Variants in GRM8 observed in about 807,000 individuals in gnomAD.
GRM8 encodes the protein glutamate metabotropic receptor 8.
Under a neutral mutation model 87.2 loss-of-function variants are expected in GRM8, and 47 were observed. That is an observed-to-expected ratio of 0.54 (90% CI 0.43 to 0.69). The LOEUF (loss-of-function observed/expected upper bound fraction) is 0.69, where lower values mean the gene tolerates loss of function less well. Ranked by LOEUF, GRM8 falls within the 30% of genes least tolerant of loss-of-function variation. GRM8 has a pLI of 0.00. For synonymous variants in GRM8, 396 were observed against 404.5 expected, an observed-to-expected ratio of 0.98 and a Z score of 0.25; for missense variants, 1,019 against 1,139.2, an observed-to-expected ratio of 0.89 and a Z score of 1.52.
chr7:127,139,582 G>A (rs886192846), intron 2 of GRM8, among the ~76,000 whole-genome samples: 1 of 152,074 alleles, frequency 6.6e-6, no homozygotes, highest in African/African-American at 2.4e-5. Flanking sequence ...GGAATCAGTT[G>A]CTTTTTTTAA....
chr7:126,992,629 A>G lies in GRM8; in HGVS notation c.728-87946T>C, dbSNP rs374027150. Among the ~76,000 whole-genome samples the G allele has an allele frequency of 2.0e-5, 3 of 152,288 alleles. No homozygotes were observed. In the East Asian group the frequency reaches 5.8e-4, roughly 29 times the overall value. On this transcript the variant is annotated intron_variant, in intron 3 of 10. Transcript: ENST00000339582. ...AAATTAAATAAGGATATTTCTATGG[A>G]GTGAATTTTGTCCCCTTCTCTACTT...
chr7:127,015,288 G>T (rs961209871), intron 3 of GRM8, among the ~76,000 whole-genome samples: 5 of 150,804 alleles, frequency 3.3e-5, no homozygotes, highest in South Asian at 2.1e-4. Flanking sequence ...GAGAGAGAAT[G>T]AACATGAACC....
chr7:127,005,536 T>C (rs1240261524), intron 3 of GRM8, among the ~76,000 whole-genome samples: 2 of 151,952 alleles, frequency 1.3e-5, no homozygotes, highest in East Asian at 3.9e-4. Flanking sequence ...AGACATAGTC[T>C]CCACAAAGTT....
intron 2 of GRM8, among the ~76,000 whole-genome samples, chr7:127,169,318 C>A (rs952710226): frequency 6.6e-6 from 1 of 152,180 alleles, no homozygotes; most frequent in African/African-American, 2.4e-5. Context: ...CCAACACATT[C>A]CCTTAAGCCA....
intron 2 of GRM8, among the ~76,000 whole-genome samples, chr7:127,135,204 GA>G (rs912731673): frequency 6.6e-6 from 1 of 151,260 alleles, no homozygotes. Context: ...ACATTTTCAG[GA>G]AAAAAAATAT....
intron 2 of GRM8, among the ~76,000 whole-genome samples, chr7:127,192,540 C>T (rs940426601): frequency 6.6e-6 from 1 of 152,166 alleles, no homozygotes; most frequent in African/African-American, 2.4e-5. Context: ...TGTGCTTTAT[C>T]ACGAGTCTCA....
chr7:127,228,594 T>G (rs1797490615), intron 2 of GRM8: 1 of 152,088 alleles, frequency 6.6e-6, no homozygotes, highest in Non-Finnish European at 1.5e-5. Flanking sequence ...GAAGAAAACC[T>G]CAAAAGTCTC....
chr7:126,806,137 G>A (rs898989371), intron 6 of GRM8, among the ~76,000 whole-genome samples: 6 of 152,162 alleles, frequency 3.9e-5, no homozygotes, highest in Non-Finnish European at 5.9e-5. Context: ...TGGTGCACCC[G>A]GAGTTTGTTC....
intron 7 of GRM8, among the ~76,000 whole-genome samples, chr7:126,755,747 T>C (rs7809596): frequency 0.028 from 3,437 of 124,806 alleles, 144 homozygotes; most frequent in African/African-American, 0.084. Flanking sequence ...AGTATGATTT[T>C]CTTCTTTCTC....
chr7:127,176,398 G>C (rs17866254), intron 2 of GRM8, among the ~76,000 whole-genome samples: 4 of 152,136 alleles, frequency 2.6e-5, no homozygotes, highest in African/African-American at 9.7e-5. Flanking sequence ...TGTCAGAGTA[G>C]ATTGAAAAAA....
chr7:127,120,951 G>C (rs981097904), intron 2 of GRM8, among the ~76,000 whole-genome samples: 1 of 152,170 alleles, frequency 6.6e-6, no homozygotes, highest in Non-Finnish European at 1.5e-5. Flanking sequence ...ATCATATCAA[G>C]AGTTGAGTCA....
At chr7:126,580,696 T>C (rs1009980844) in intron 8 of GRM8, among the ~76,000 whole-genome samples, 1 of 152,150 alleles carries the variant, frequency 6.6e-6, no homozygotes, top group African/African-American at 2.4e-5. Flanking sequence ...TCCTCTTCTA[T>C]AAAATGGTCA....
chr7:126,546,016 C>G (rs1271449189), intron 8 of GRM8, among the ~76,000 whole-genome samples: 2 of 152,084 alleles, frequency 1.3e-5, no homozygotes. Context: ...TAGAGGGTTA[C>G]AGGAACACGT....
chr7:127,083,672 T>C (rs974748162), intron 3 of GRM8, among the ~76,000 whole-genome samples: 3 of 151,418 alleles, frequency 2.0e-5, no homozygotes, highest in Non-Finnish European at 1.5e-5. Context: ...AAAATCTGCT[T>C]CCTTGAAATT....
At chr7:127,174,829 G>GT (rs1159528824) in intron 2 of GRM8, among the ~76,000 whole-genome samples, 3 of 152,134 alleles carry the variant, frequency 2.0e-5, no homozygotes, top group Admixed American at 6.5e-5. Flanking sequence ...TTCTAAGCTG[G>GT]TAATTTTCCA....
intron 2 of GRM8, among the ~76,000 whole-genome samples, chr7:127,156,366 C>G (rs1402093541): frequency 6.6e-6 from 1 of 152,156 alleles, no homozygotes; most frequent in Non-Finnish European, 1.5e-5. Context: ...ACGGTTCCTC[C>G]ACCTCACTGT....
chr7:126,895,925 C>T (rs1197097674), intron 6 of GRM8, among the ~76,000 whole-genome samples: 3 of 148,164 alleles, frequency 2.0e-5, no homozygotes, highest in East Asian at 2.0e-4. Context: ...TATTCCATCA[C>T]ACATAAAGTA....
At chr7:126,670,816 A>G (rs1806297406) in intron 7 of GRM8, among the ~76,000 whole-genome samples, 1 of 152,186 alleles carries the variant, frequency 6.6e-6, no homozygotes, top group Admixed American at 6.5e-5. Context: ...TTTTTTTTAT[A>G]GTCAAGGAAA....
At chr7:126,580,663 G>A (rs540991395) in intron 8 of GRM8, among the ~76,000 whole-genome samples, 1 of 152,182 alleles carries the variant, frequency 6.6e-6, no homozygotes, top group African/African-American at 2.4e-5. Context: ...ACTTAAATAA[G>A]CAACTTATTG....
Sources: allele counts gnomAD v4.1 joint callset (sites outside exome capture counted in the v4.1 genomes callset), GRCh38; gene constraint gnomAD v4.1.1; transcripts MANE v1.5; gene names NCBI Gene and HGNC (gene_info 2026-07-23, HGNC 2026-07-21).